Variants in GIPC2 observed in about 807,000 individuals in gnomAD.
The protein encoded by GIPC2 is PDZ domain-containing protein GIPC2.
Under a neutral mutation model 30.6 loss-of-function variants are expected in GIPC2, and 30 were observed. That is an observed-to-expected ratio of 0.98 (90% CI 0.73 to 1.33). The LOEUF is 1.33. GIPC2 is among the 40% of genes most tolerant of loss of function. GIPC2 has a pLI of 0.00. For synonymous variants in GIPC2, 167 were observed against 150.0 expected, an observed-to-expected ratio of 1.11 and a Z score of -0.83; for missense variants, 414 against 390.3, an observed-to-expected ratio of 1.06 and a Z score of -0.51.
intron 2 of GIPC2, among the ~76,000 whole-genome samples, chr1:78,089,752 G>GA (rs1662002710): frequency 6.6e-6 from 1 of 152,192 alleles, no homozygotes; most frequent in Non-Finnish European, 1.5e-5. Flanking sequence ...ACCTTAATCA[G>GA]AAAATTAAGA....
intron 4 of GIPC2, 52 bp from the exon 5 acceptor site, chr1:78,125,829 C>T: frequency 3.1e-6 from 3 of 970,680 alleles, no homozygotes; most frequent in South Asian, 1.3e-5. Flanking sequence ...TATGCCCTGA[C>T]AATCAAGAGA....
chr1:78,078,202 A>AAC (rs1322279950), intron 1 of GIPC2, among the ~76,000 whole-genome samples: 4 of 151,506 alleles, frequency 2.6e-5, no homozygotes, highest in African/African-American at 9.7e-5. Context: ...AAAAAAAAAA[A>AAC]AAAAAAAACC....
chr1:78,107,249 G>C (rs1662372684), intron 3 of GIPC2, among the ~76,000 whole-genome samples: 1 of 151,896 alleles, frequency 6.6e-6, no homozygotes, highest in South Asian at 2.1e-4. Flanking sequence ...GGGCTCAAAA[G>C]ATCCTCCCAC....
intron 1 of GIPC2, among the ~76,000 whole-genome samples, chr1:78,062,635 G>A (rs1469787714): frequency 6.6e-6 from 1 of 151,064 alleles, no homozygotes; most frequent in African/African-American, 2.4e-5. Flanking sequence ...AGCCTCCTAA[G>A]TAGCCGGGAC....
At chr1:78,096,863 A>C (rs2100381998) in intron 3 of GIPC2, among the ~76,000 whole-genome samples, 1 of 152,264 alleles carries the variant, frequency 6.6e-6, no homozygotes, top group Non-Finnish European at 1.5e-5. Context: ...TGGAGGAATA[A>C]GTTTTTATTT....
intron 3 of GIPC2, among the ~76,000 whole-genome samples, chr1:78,103,911 C>T (rs1399740134): frequency 6.6e-6 from 1 of 152,180 alleles, no homozygotes; most frequent in East Asian, 1.9e-4. Context: ...GACAGGACAT[C>T]TGATAGAATG....
chr1:78,112,806 G>A (rs776639281), intron 3 of GIPC2, among the ~76,000 whole-genome samples: 1 of 152,008 alleles, frequency 6.6e-6, no homozygotes, highest in Non-Finnish European at 1.5e-5. Context: ...AAAAACTAGG[G>A]GTTTGCTTGT....
chr1:78,080,748 A>G lies in GIPC2; in HGVS notation c.314A>G (p.Asp105Gly), dbSNP rs1434702918. The change falls in exon 2 of 6, where the codon GAT becomes GGT. Residue 105 changes from aspartate to glycine, a missense_variant. Transcript: ENST00000370759. ...RLLGGQLGLEDFIFAHVKGIE... is the reference protein window; with the variant it reads ...RLLGGQLGLEGFIFAHVKGIE... Reference sequence around the variant, plus strand: ...TTAGGAGGACAACTAGGACTAGAAGATTTCATATTTGCCCATGTGAAAGGA... The same window carrying G: ...TTAGGAGGACAACTAGGACTAGAAGGTTTCATATTTGCCCATGTGAAAGGA... 1.2e-6 allele frequency: 2 copies of G among 1,607,658 alleles called. No homozygotes were observed. Among genetic ancestry groups the G allele is most frequent in the Non-Finnish European group, 1.7e-6 (2 of 1,174,278 alleles).
At chr1:78,128,219 C>A (rs587574) in intron 5 of GIPC2, among the ~76,000 whole-genome samples, 113,393 of 152,094 alleles carry the variant, frequency 0.75, 42,935 homozygotes, top group Non-Finnish European at 0.82. Context: ...TTTTGTAGAG[C>A]TGGGGTCTAC....
chr1:78,078,873 A>C (rs1372835612), intron 1 of GIPC2, among the ~76,000 whole-genome samples: 1 of 149,572 alleles, frequency 6.7e-6, no homozygotes, highest in African/African-American at 2.5e-5. Flanking sequence ...ACCAAGGAGG[A>C]GAAAAATGTT....
At position 78,095,044 on chromosome 1, in the gene GIPC2, G is replaced by T. The variant is rs758240480; in HGVS notation, c.519G>T (p.Trp173Cys). 12 of 1,607,054 alleles carry T rather than the reference G, an allele frequency of 7.5e-6. No individual in the cohort carries two copies. The African/African-American group carries it at 8.0e-5, about 11-fold the overall frequency. ...TAAATGGAGAAAATATTGTTGGGTGGCGTCACTATGATGTTGCTAAGAAGT... is the reference window on the plus strand; with the variant it reads ...TAAATGGAGAAAATATTGTTGGGTGTCGTCACTATGATGTTGCTAAGAAGT... ...ESINGENIVG[W>C]RHYDVAKKLK... The change falls in exon 3 of 6, where the codon TGG becomes TGT. Residue 173 changes from tryptophan to cysteine, a missense_variant. Trp to Cys is a radical substitution (Grantham distance 215, BLOSUM62 -2). Transcript: ENST00000370759.
chr1:78,131,846 A>G (rs577153436), intron 5 of GIPC2, among the ~76,000 whole-genome samples: 1 of 152,262 alleles, frequency 6.6e-6, no homozygotes, highest in South Asian at 2.1e-4. Flanking sequence ...GAATTCATAT[A>G]GCAAATTACT....
intron 2 of GIPC2, among the ~76,000 whole-genome samples, chr1:78,091,070 AC>A (rs576945118): frequency 8.0e-4 from 122 of 152,342 alleles, no homozygotes; most frequent in African/African-American, 2.8e-3. Context: ...TGGGTTCTAT[AC>A]CTTTTTTAAA....
rs984809784 is a variant in GIPC2 at position 78,090,306 on chromosome 1, T to C, written c.427-4646T>C. On this transcript the variant is annotated intron_variant, in intron 2 of 5. Transcript: ENST00000370759. ...GCCTCCTGGGTTCAAGCGATTCTCCTGCCTCAGCCTCCCGAGTAGCTGGGG... is the reference window on the plus strand; with the variant it reads ...GCCTCCTGGGTTCAAGCGATTCTCCCGCCTCAGCCTCCCGAGTAGCTGGGG... Among the ~76,000 whole-genome samples, 5 of 152,218 alleles carry C rather than the reference T, an allele frequency of 3.3e-5. No individual in the cohort carries two copies. In the East Asian group the frequency reaches 9.6e-4, roughly 29 times the overall value.
chr1:78,078,716 T>C (rs1479573492), intron 1 of GIPC2, among the ~76,000 whole-genome samples: 3 of 152,150 alleles, frequency 2.0e-5, no homozygotes, highest in Non-Finnish European at 4.4e-5. Context: ...TTTTTCCTTT[T>C]TGTTTTTCTC....
chr1:78,119,965 C>G (rs1256024141), intron 4 of GIPC2, among the ~76,000 whole-genome samples: 1 of 152,200 alleles, frequency 6.6e-6, no homozygotes, highest in Non-Finnish European at 1.5e-5. Context: ...AGTCCAATGA[C>G]TTCTTACCAC....
chr1:78,135,512 G>C, intron 5 of GIPC2, 80 bp from the exon 6 acceptor site: 1 of 790,788 alleles, frequency 1.3e-6, no homozygotes. Flanking sequence ...CTTTTAGCAA[G>C]TAATTTTCCT....
Position 78,138,201 on chromosome 1 carries a change from T to G in GIPC2, c.*2458T>G, listed in dbSNP as rs1353815446. 2 of 152,196 alleles carry G rather than the reference T, an allele frequency of 1.3e-5. No individual in the cohort carries two copies. Among genetic ancestry groups the G allele is most frequent in the African/African-American group, 4.8e-5 (2 of 41,438 alleles). 9.4% of individuals were successfully genotyped at this position (152,196 alleles called of 1,614,324 possible). ...CTGAGTCCTAATCAGATGTATATAC[T>G]CTGATGATTACAAATAGGTACATGT... On this transcript the variant is annotated 3_prime_UTR_variant, in exon 6 of 6. Coordinates refer to ENST00000370759, the MANE Select transcript of GIPC2 (RefSeq NM_017655.6).
intron 1 of GIPC2, among the ~76,000 whole-genome samples, chr1:78,070,497 G>A (rs1437514594): frequency 6.6e-6 from 1 of 150,852 alleles, no homozygotes; most frequent in Admixed American, 6.6e-5. Flanking sequence ...TATCTCCTCT[G>A]AGTGTAAAAA....
Sources: gnomAD v4.1 joint callset for allele counts (sites outside exome capture counted in the v4.1 genomes callset) on GRCh38, gnomAD v4.1.1 for gene constraint, MANE v1.5 for transcripts, NCBI Gene and HGNC (gene_info 2026-07-23, HGNC 2026-07-21) for gene names.